CRADD: variants seen among roughly 807,000 people sequenced by gnomAD.
CRADD encodes the protein CARD and death domain containing adaptor protein.
CRADD carries 9 observed loss-of-function variants against 15.5 expected under a neutral mutation model. The ratio of observed to expected loss-of-function variants is 0.58; its 90% CI spans 0.35 to 1.01. The LOEUF is 1.01. CRADD is among the 50% of genes least tolerant of loss of function. The pLI, the probability that CRADD is intolerant of heterozygous loss-of-function variation, is 0.02. For missense variants in CRADD, 227 were observed against 250.3 expected (o/e 0.91, Z 0.63); for synonymous variants, 118 against 107.6 (o/e 1.10, Z -0.60).
At chr12:93,842,753 A>G (rs1294172085) in intron 2 of CRADD, among the ~76,000 whole-genome samples, 2 of 140,532 alleles carry the variant, frequency 1.4e-5, no homozygotes, top group Non-Finnish European at 3.0e-5. Flanking sequence ...TGTTGTTTTC[A>G]TTCACGTAGT....
intron 2 of CRADD, among the ~76,000 whole-genome samples, chr12:93,772,965 A>C (rs1020735053): frequency 6.6e-6 from 1 of 152,224 alleles, no homozygotes; most frequent in Non-Finnish European, 1.5e-5. Context: ...TCTCCCAAAA[A>C]ATAAAGAAGA....
At chr12:93,881,380 A>G (rs750849787) in intron 2 of CRADD, among the ~76,000 whole-genome samples, 4 of 142,772 alleles carry the variant, frequency 2.8e-5, no homozygotes, top group Admixed American at 7.7e-5. Flanking sequence ...TAGATATGTC[A>G]CAGCTTTTTA....
At chr12:93,743,219 A>C (rs1956703596) in intron 2 of CRADD, among the ~76,000 whole-genome samples, 1 of 152,174 alleles carries the variant, frequency 6.6e-6, no homozygotes. Context: ...TACAATATAG[A>C]GGTTTTTTAG....
chr12:93,691,632 C>T (rs1196230798), intron 2 of CRADD, among the ~76,000 whole-genome samples: 1 of 152,082 alleles, frequency 6.6e-6, no homozygotes, highest in Non-Finnish European at 1.5e-5. Context: ...CTAAGTAATA[C>T]AGGAATGGCA....
chr12:93,710,123 T>C (rs753496115), intron 2 of CRADD, among the ~76,000 whole-genome samples: 16 of 152,220 alleles, frequency 1.1e-4, no homozygotes, highest in Non-Finnish European at 2.2e-4. Flanking sequence ...TGGTGTCTGC[T>C]AGCATCACTA....
chr12:93,875,229 A>G (rs1958449799), intron 2 of CRADD, among the ~76,000 whole-genome samples: 1 of 150,304 alleles, frequency 6.7e-6, no homozygotes, highest in South Asian at 2.1e-4. Context: ...TGATGGCACT[A>G]TAGCAACTCC....
chr12:93,733,888 A>T (rs146468347), intron 2 of CRADD, among the ~76,000 whole-genome samples: 2,212 of 152,086 alleles, frequency 0.015, 60 homozygotes, highest in African/African-American at 0.05. Context: ...GGCATGCGCT[A>T]CCACACCCTG....
chr12:93,842,118 C>T (rs1593036747), intron 2 of CRADD, among the ~76,000 whole-genome samples: 3 of 97,372 alleles, frequency 3.1e-5, no homozygotes, highest in Admixed American at 1.9e-4. Context: ...GTGTCTGCTG[C>T]ACCTCTTCTT....
chr12:93,777,064 A>G (rs1252418287), intron 2 of CRADD, among the ~76,000 whole-genome samples: 2 of 152,256 alleles, frequency 1.3e-5, no homozygotes, highest in East Asian at 3.8e-4. Context: ...TATTTAAAAA[A>G]TAAGTGGTGG....
At chr12:93,864,139 C>T (rs1031182805) in intron 2 of CRADD, among the ~76,000 whole-genome samples, 2 of 152,204 alleles carry the variant, frequency 1.3e-5, no homozygotes, top group African/African-American at 4.8e-5. Context: ...ACTATAGCCT[C>T]GAAGTCCCAG....
chr12:93,714,706 C>T (rs1487802839), intron 2 of CRADD: 1 of 152,242 alleles, frequency 6.6e-6, no homozygotes, highest in Non-Finnish European at 1.5e-5. Context: ...ACCAACAGCA[C>T]ATCCGTAAGG....
At chr12:93,810,762 T>A (rs1193468261) in intron 2 of CRADD, among the ~76,000 whole-genome samples, 2 of 152,028 alleles carry the variant, frequency 1.3e-5, no homozygotes, top group African/African-American at 4.8e-5. Context: ...CAACAGTAGG[T>A]TCAACCTGGC....
intron 2 of CRADD, among the ~76,000 whole-genome samples, chr12:93,814,008 A>G (rs371798789): frequency 1.3e-5 from 2 of 152,264 alleles, no homozygotes; most frequent in Non-Finnish European, 2.9e-5. Context: ...ATTAAGGGGT[A>G]TAGGCAGTTA....
intron 2 of CRADD, among the ~76,000 whole-genome samples, chr12:93,729,778 T>TC (rs1956432333): frequency 7.9e-6 from 1 of 126,446 alleles, no homozygotes; most frequent in Non-Finnish European, 1.6e-5. Flanking sequence ...AGAGAGAGAC[T>TC]CCGTCTCAAA....
chr12:93,871,280 CTTTG>C (rs1958416803), intron 2 of CRADD, among the ~76,000 whole-genome samples: 1 of 152,058 alleles, frequency 6.6e-6, no homozygotes, highest in African/African-American at 2.4e-5. Flanking sequence ...AAATGTGAAT[CTTTG>C]TTTATCTTGC....
intron 2 of CRADD, among the ~76,000 whole-genome samples, chr12:93,747,878 G>C (rs975329554): frequency 2.6e-4 from 40 of 152,156 alleles, no homozygotes; most frequent in African/African-American, 8.4e-4. Context: ...AAAGACACTG[G>C]AGGGTGCTGA....
At chr12:93,752,609 T>C (rs748199609) in intron 2 of CRADD, among the ~76,000 whole-genome samples, 1 of 152,218 alleles carries the variant, frequency 6.6e-6, no homozygotes, top group Admixed American at 6.5e-5. Flanking sequence ...CAAAAAAATA[T>C]ATCTGATGGT....
intron 2 of CRADD, among the ~76,000 whole-genome samples, chr12:93,791,698 G>A (rs1957351069): frequency 6.6e-6 from 1 of 152,210 alleles, no homozygotes; most frequent in Non-Finnish European, 1.5e-5. Context: ...AAGTACACGA[G>A]GTGATGGATA....
At chr12:93,826,493 G>A (rs767165433) in intron 2 of CRADD, among the ~76,000 whole-genome samples, 7 of 152,190 alleles carry the variant, frequency 4.6e-5, no homozygotes, top group African/African-American at 7.2e-5. Flanking sequence ...TGTTTTAAAC[G>A]TTTAATACTT....
Sources: gnomAD v4.1 joint callset for allele counts (sites outside exome capture counted in the v4.1 genomes callset) on GRCh38, gnomAD v4.1.1 for gene constraint, MANE v1.5 for transcripts, NCBI Gene and HGNC (gene_info 2026-07-23, HGNC 2026-07-21) for gene names.